The following AGFG1 variants were observed in gnomAD, a reference collection of about 807,000 sequenced individuals.
The protein encoded by AGFG1 is arf-GAP domain and FG repeat-containing protein 1.
AGFG1 carries 10 observed loss-of-function variants against 60.6 expected under a neutral mutation model. The observed-to-expected ratio is 0.16, with a 90% CI of 0.10 to 0.28. The LOEUF (loss-of-function observed/expected upper bound fraction) is 0.28, where lower values mean the gene tolerates loss of function less well. Among genes scored for constraint, AGFG1 ranks in the 10% least tolerant of loss-of-function variants. The pLI is 1.00. For missense variants in AGFG1, 537 were observed against 676.5 expected (o/e 0.79, Z 2.29); for synonymous variants, 247 against 242.9 (o/e 1.02, Z -0.16).
intron 1 of AGFG1, among the ~76,000 whole-genome samples, chr2:227,475,961 A>G (rs1690270024): frequency 6.6e-6 from 1 of 152,230 alleles, no homozygotes; most frequent in Non-Finnish European, 1.5e-5. Context: ...AAATTTTAGG[A>G]TAGTGACATA....
At chr2:227,497,678 C>G (rs924014101) in intron 2 of AGFG1, among the ~76,000 whole-genome samples, 3 of 149,674 alleles carry the variant, frequency 2.0e-5, no homozygotes, top group Non-Finnish European at 3.0e-5. Flanking sequence ...CTTAATTATA[C>G]CTAAAGCAGT....
intron 10 of AGFG1, among the ~76,000 whole-genome samples, chr2:227,543,668 G>C (rs193231327): frequency 6.6e-6 from 1 of 152,266 alleles, no homozygotes; most frequent in African/African-American, 2.4e-5. Context: ...ATGTCTATTA[G>C]GTCTGCTTGG....
intron 10 of AGFG1, among the ~76,000 whole-genome samples, chr2:227,539,457 A>AAAAAAAAAAAAAAAC (rs139764867): frequency 7.7e-6 from 1 of 129,944 alleles, no homozygotes. Flanking sequence ...AAAACAAAAA[A>AAAAAAAAAAAAAAAC]CACATGTTAA....
chr2:227,472,886 C>T (rs1460363469), intron 1 of AGFG1, among the ~76,000 whole-genome samples: 1 of 149,820 alleles, frequency 6.7e-6, no homozygotes, highest in Non-Finnish European at 1.5e-5. Context: ...GCGACCGGGG[C>T]GAGCGTCCCT....
Position 227,533,839 on chromosome 2 carries a change from A to G in AGFG1, c.1024+81A>G, listed in dbSNP as rs538299731. The stretch of plus-strand genomic sequence containing the variant: ...TGGTTGTATTTATTAAAATCTGAAC[A>G]TGCTACACTTTTCTCAGTTGTTGTA... On this transcript the variant is annotated intron_variant, in intron 7 of 12. Transcript: ENST00000310078. 175 of 1,276,550 alleles carry G rather than the reference A, an allele frequency of 1.4e-4. 1 individual carries two copies. The South Asian group carries it at 2.0e-3, about 15-fold the overall frequency. The allele number at this position is 1,276,550 out of a possible 1,614,324, so 79.1% of individuals were successfully genotyped here.
At chr2:227,508,441 C>A (rs1467221980) in intron 2 of AGFG1, 1 of 286,086 alleles carries the variant, frequency 3.5e-6, no homozygotes, top group Non-Finnish European at 7.1e-6. Context: ...ACAAGCTAGC[C>A]CTCTTCTGCT....
At chr2:227,480,964 A>G (rs1427424347) in intron 1 of AGFG1, among the ~76,000 whole-genome samples, 2 of 152,174 alleles carry the variant, frequency 1.3e-5, no homozygotes, top group African/African-American at 2.4e-5. Flanking sequence ...GTCTGATGCT[A>G]TTCTTATTAC....
In AGFG1 at chr2:227,523,774, C is replaced by T. The variant is rs1226120819; in HGVS notation, c.389C>T (p.Pro130Leu). ...TTTACATGTTTTAGGTATGTCCCGC[C>T]AGAACAAGCCAAAGTCGTGGCATCA... ...KYEKKRWYVP[P>L]EQAKVVASVH... Residue 130 changes from proline (P) to leucine (L), a missense_variant, in exon 4 of 13, where the codon CCA (proline) becomes CTA (leucine). Around this residue, in one of 4 missense-constraint regions of AGFG1, gnomAD observed 120 missense variants for 198.5 expected, o/e 0.60. Transcript: ENST00000310078. The T allele has an allele frequency of 6.2e-7, 1 of 1,611,892 alleles. No homozygotes were observed. Among genetic ancestry groups the T allele is most frequent in the Non-Finnish European group, 8.5e-7 (1 of 1,178,574 alleles).
chr2:227,516,698 C>T (rs1265809643), intron 2 of AGFG1, among the ~76,000 whole-genome samples: 1 of 152,156 alleles, frequency 6.6e-6, no homozygotes, highest in Admixed American at 6.5e-5. Flanking sequence ...GATGGCAGCT[C>T]TATGATCTGT....
chr2:227,557,381 C>T lies in AGFG1; in HGVS notation c.*2886C>T, dbSNP rs1232590649. On this transcript the variant is annotated 3_prime_UTR_variant, in exon 13 of 13. Transcript: ENST00000310078. ...CATTAGTGCTTTACCTGTGAAATTC[C>T]CCGCCCCCCTGCACACACACCCACT... is the stretch of plus-strand genomic sequence containing the variant. 1 of 151,936 alleles carries T rather than the reference C, an allele frequency of 6.6e-6. No individual in the cohort carries two copies. Among genetic ancestry groups the T allele is most frequent in the Non-Finnish European group, 1.5e-5 (1 of 68,004 alleles). 9.4% of individuals were successfully genotyped at this position (151,936 alleles called of 1,614,324 possible). A position where few individuals can be genotyped will look rare whatever the true frequency, so the allele number is the denominator to read the frequency against.
Position 227,523,744 on chromosome 2 carries a change from T to C in AGFG1, c.378-19T>C, listed in dbSNP as rs763472053. On this transcript the variant is annotated intron_variant, in intron 3 of 12. Coordinates refer to ENST00000310078, the MANE Select transcript of AGFG1 (RefSeq NM_004504.5). ...TTACCTACATTTTTTTTTAGTTAAC[T>C]GTTTTTTACATGTTTTAGGTATGTC... is the stretch of plus-strand genomic sequence containing the variant. 7 of 1,583,852 alleles carry C rather than the reference T, an allele frequency of 4.4e-6. No homozygotes were observed. Among genetic ancestry groups the C allele is most frequent in the Non-Finnish European group, 6.0e-6 (7 of 1,160,428 alleles).
rs1298100536 is a variant in AGFG1, at chr2:227,559,898, G to GT, written c.*5409dup. 1 of 152,032 alleles carries GT rather than the reference G, an allele frequency of 6.6e-6. No homozygotes were observed. The highest frequency in any genetic ancestry group is 1.5e-5 in the Non-Finnish European group (1 of 67,964). The allele number at this position is 152,032 out of a possible 1,614,324, so 9.4% of individuals were successfully genotyped here. A position where few individuals can be genotyped will look rare whatever the true frequency, so the allele number is the denominator to read the frequency against. On this transcript the variant is annotated 3_prime_UTR_variant, in exon 13 of 13. Transcript: ENST00000310078. Reference sequence around the variant, plus strand: ...ATCAGGTTTTTTAAAGACTTTAAAGGTTTTTTGTATGCTATAATATATGCT... The same window carrying GT: ...ATCAGGTTTTTTAAAGACTTTAAAGGTTTTTTTGTATGCTATAATATATGCT...
At chr2:227,551,840 G>A in intron 10 of AGFG1, 119 bp from the exon 11 acceptor site, 1 of 1,237,186 alleles carries the variant, frequency 8.1e-7, no homozygotes. Flanking sequence ...AATTAACCCT[G>A]CCTTTAATGT....
chr2:227,472,211 C>A lies in AGFG1; in HGVS notation c.-211C>A. 1 of 161,906 alleles carries A rather than the reference C, an allele frequency of 6.2e-6. No homozygotes were observed. Among genetic ancestry groups the A allele is most frequent in the Non-Finnish European group, 1.3e-5 (1 of 75,700 alleles). 10.0% of individuals were successfully genotyped at this position (161,906 alleles called of 1,614,324 possible). On this transcript the variant is annotated 5_prime_UTR_variant, in exon 1 of 13. Coordinates refer to ENST00000310078, the MANE Select transcript of AGFG1 (RefSeq NM_004504.5). ...GGCGGCGGCGGTTGTCCCGGCTGTG[C>A]CGGTTGGTGTGGCCCGTCAGCCCGC... is the stretch of plus-strand genomic sequence containing the variant.
chr2:227,520,900 A>G (rs1255147011), intron 3 of AGFG1, among the ~76,000 whole-genome samples: 1 of 151,888 alleles, frequency 6.6e-6, no homozygotes, highest in Non-Finnish European at 1.5e-5. Context: ...TGCTTGAGGA[A>G]CTCTGTTTCA....
chr2:227,489,190 A>G (rs185030204), intron 1 of AGFG1, among the ~76,000 whole-genome samples: 194 of 140,262 alleles, frequency 1.4e-3, no homozygotes, highest in Middle Eastern at 4.1e-3. Context: ...GCAAGTTACT[A>G]CTGAGGTTGT....
At chr2:227,520,568 A>G (rs1691795129) in intron 3 of AGFG1, among the ~76,000 whole-genome samples, 1 of 152,206 alleles carries the variant, frequency 6.6e-6, no homozygotes, top group African/African-American at 2.4e-5. Flanking sequence ...CTGGTTAAGA[A>G]GGGAGCATTT....
intron 1 of AGFG1, among the ~76,000 whole-genome samples, chr2:227,474,968 A>C (rs1690236526): frequency 6.6e-6 from 1 of 152,212 alleles, no homozygotes; most frequent in South Asian, 2.1e-4. Flanking sequence ...ATGTATGTTA[A>C]ACATCTCACG....
intron 2 of AGFG1, among the ~76,000 whole-genome samples, chr2:227,502,927 T>A (rs549623185): frequency 1.3e-5 from 2 of 152,150 alleles, no homozygotes; most frequent in South Asian, 4.1e-4. Flanking sequence ...TGCTTTGGAG[T>A]CTTTGTCAAA....
Sources: gnomAD v4.1 joint callset for allele counts (sites outside exome capture counted in the v4.1 genomes callset) on GRCh38, gnomAD v4.1.1 for gene constraint, gnomAD v4.1.1 regional missense constraint, MANE v1.5 for transcripts, NCBI Gene and HGNC (gene_info 2026-07-23, HGNC 2026-07-21) for gene names.